The following GRK1 variants were observed in gnomAD, a reference collection of about 807,000 sequenced individuals.
GRK1 encodes rhodopsin kinase GRK1.
Under a neutral mutation model 41.7 loss-of-function variants are expected in GRK1, and 28 were observed. The ratio of observed to expected loss-of-function variants is 0.67; its 90% CI spans 0.50 to 0.92. GRK1 has a LOEUF of 0.92. GRK1 is among the 40% of genes least tolerant of loss of function. The pLI is 0.00. For synonymous variants in GRK1, 327 were observed against 286.7 expected, an observed-to-expected ratio of 1.14 and a Z score of -1.42; for missense variants, 703 against 671.2, an observed-to-expected ratio of 1.05 and a Z score of -0.52.
chr13:113,666,360 A>C (rs1018301445), upstream of GRK1, among the ~76,000 whole-genome samples: 21 of 128,468 alleles, frequency 1.6e-4, no homozygotes, highest in African/African-American at 5.9e-4. Context: ...CCAGGTGTTC[A>C]CCAGCTGTCC....
At position 113,735,384 on chromosome 13, in the gene GRK1, T is replaced by TGGAG. The variant is rs1594584197; in HGVS notation, c.*23_*26dup. 8.8e-6 allele frequency: 13 copies of TGGAG among 1,470,222 alleles called. No individual in the cohort carries two copies. Among genetic ancestry groups the TGGAG allele is most frequent in the Middle Eastern group, 3.5e-4 (2 of 5,676 alleles). The allele number at this position is 1,470,222 out of a possible 1,614,324, so 91.1% of individuals were successfully genotyped here. ...CCTAGGTGACGCCCCAGAGTCCACG[T>TGGAG]GGAGGAAAAGGACCCATACGGCTCG... On this transcript the variant is annotated 3_prime_UTR_variant, in exon 7 of 7. Transcript: ENST00000335678.
At position 113,736,344 on chromosome 13, in the gene GRK1, C is replaced by T. The variant is rs1323855570; in HGVS notation, c.*981C>T. ...CAGAGCTCCTTGCTGCAACCCCTCT[C>T]TGTGTTCCCAGTAGCAGCAGCACTG... On this transcript the variant is annotated 3_prime_UTR_variant, in exon 7 of 7. Transcript: ENST00000335678. The T allele has an allele frequency of 6.6e-6, 1 of 152,270 alleles. No individual in the cohort carries two copies. Among genetic ancestry groups the T allele is most frequent in the African/African-American group, 2.4e-5 (1 of 41,456 alleles). The allele number at this position is 152,270 out of a possible 1,614,324, so 9.4% of individuals were successfully genotyped here.
At chr13:113,654,294 C>G in the GRK1 span, among the ~76,000 whole-genome samples, 1 of 152,222 alleles carries the variant, frequency 6.6e-6, no homozygotes, top group Non-Finnish European at 1.5e-5. Flanking sequence ...GCTCTGCACA[C>G]CGATGGGGAC....
intron 4 of GRK1, among the ~76,000 whole-genome samples, chr13:113,728,109 GAGT>G (rs1392288956): frequency 1.1e-5 from 1 of 89,678 alleles, no homozygotes; most frequent in African/African-American, 6.3e-5. Flanking sequence ...TGGCAATGAG[GAGT>G]ACCCATGGCG....
rs778431443 is a variant in GRK1 at position 113,735,316 on chromosome 13, G to A, written c.1645G>A (p.Gly549Arg). The A allele has an allele frequency of 8.5e-6, 13 of 1,529,226 alleles. No individual in the cohort carries two copies. Among genetic ancestry groups the A allele is most frequent in the East Asian group, 2.5e-5 (1 of 40,688 alleles). The allele number at this position is 1,529,226 out of a possible 1,614,324, so 94.7% of individuals were successfully genotyped here. The change falls in exon 7 of 7, where the codon GGG becomes AGG. Residue 549 changes from glycine (G) to arginine (R), a missense_variant. Physicochemically the swap from Gly to Arg is moderately radical, Grantham distance 125. Coordinates refer to ENST00000335678, the MANE Select transcript of GRK1 (RefSeq NM_002929.3). ...GCCGGACGACATGAAGGGCATCTCCGGGGGCTCCAGCTCCTCGTCCAAGTC... is the reference window on the plus strand; with the variant it reads ...GCCGGACGACATGAAGGGCATCTCCAGGGGCTCCAGCTCCTCGTCCAAGTC... ...QMPDDMKGISGGSSSSSKSGM... is the reference protein window; with the variant it reads ...QMPDDMKGISRGSSSSSKSGM...
the GRK1 span, chr13:113,649,287 A>C: frequency 6.8e-7 from 1 of 1,465,108 alleles, no homozygotes; most frequent in Admixed American, 2.3e-5. This position sits in a 1 kb window ranked among gnomAD's most constrained non-coding sequence, Gnocchi z 4.7. Flanking sequence ...ATGATTTGGC[A>C]GGGAACTGAC....
At chr13:113,733,718 TGTGTGTGC>T in intron 6 of GRK1, among the ~76,000 whole-genome samples, 1 of 126,592 alleles carries the variant, frequency 7.9e-6, no homozygotes, top group South Asian at 2.3e-4. Context: ...TGTGCGCACG[TGTGTGTGC>T]GCGCGTGTGT....
intron 4 of GRK1, among the ~76,000 whole-genome samples, chr13:113,727,469 T>C (rs2049896556): frequency 6.6e-6 from 1 of 152,104 alleles, no homozygotes; most frequent in African/African-American, 2.4e-5. Flanking sequence ...CTGTGGACTG[T>C]GGGCTGTGGA....
At chr13:113,658,018 G>C in the GRK1 span, 1 of 1,582,934 alleles carries the variant, frequency 6.3e-7, no homozygotes, top group Non-Finnish European at 8.6e-7. Flanking sequence ...CAGCCGGCCC[G>C]CCCCCCGCAC....
intron 2 of GRK1, among the ~76,000 whole-genome samples, chr13:113,670,363 G>A (rs1005750678): frequency 1.3e-5 from 2 of 152,196 alleles, no homozygotes; most frequent in Admixed American, 6.5e-5. Context: ...TAGCTGGGCC[G>A]CTTAGCCACT....
chr13:113,665,900 T>G (rs188025746), upstream of GRK1, among the ~76,000 whole-genome samples: 3 of 118,782 alleles, frequency 2.5e-5, no homozygotes, highest in Admixed American at 1.7e-4. Context: ...CAGGTGGGTC[T>G]CAAGTGCCCC....
At chr13:113,662,761 C>T (rs2049797222), upstream of GRK1, among the ~76,000 whole-genome samples, 1 of 152,122 alleles carries the variant, frequency 6.6e-6, no homozygotes, top group Admixed American at 6.5e-5. Context: ...GACTTGCATG[C>T]TGAAACCCAT....
intron 1 of GRK1, 158 bp downstream of exon 1, chr13:113,668,243 G>A (rs912950648): frequency 1.7e-5 from 5 of 300,232 alleles, no homozygotes; most frequent in African/African-American, 2.3e-5. Context: ...GGCGCCCCGC[G>A]GCCGTGCGGT....
chr13:113,650,583 G>A, the GRK1 span: 46 of 1,168,166 alleles, frequency 3.9e-5, no homozygotes, highest in Middle Eastern at 2.3e-4. The surrounding 1 kb of genome is among the most constrained non-coding windows in gnomAD (Gnocchi z 5.0). Context: ...GTTTGTGTGC[G>A]TGTGTGCACA....
At chr13:113,660,251 C>T in the GRK1 span, among the ~76,000 whole-genome samples, 2 of 152,176 alleles carry the variant, frequency 1.3e-5, no homozygotes, top group Non-Finnish European at 2.9e-5. Flanking sequence ...TGGTGTCAGA[C>T]ACAACGTAGT....
intron 6 of GRK1, among the ~76,000 whole-genome samples, chr13:113,733,481 A>ATGTGCGCGCGTGTGTGTATGTG (rs2049952795): frequency 6.9e-6 from 1 of 144,666 alleles, no homozygotes; most frequent in Non-Finnish European, 1.5e-5. Context: ...GGAAGATACT[A>ATGTGCGCGCGTGTGTGTATGTG]TGTGCGCGCG....
the GRK1 span, chr13:113,653,127 GC>G: frequency 5.1e-6 from 8 of 1,564,958 alleles, no homozygotes; most frequent in South Asian, 4.7e-5. Context: ...ACGCCTGGCT[GC>G]CCCCCGGGAA....
At chr13:113,733,249 C>T (rs2049950845) in intron 6 of GRK1, 164 bp downstream of exon 6, 1 of 232,416 alleles carries the variant, frequency 4.3e-6, no homozygotes, top group Non-Finnish European at 7.1e-6. Context: ...ACTCATCATC[C>T]CAGCCCCAGG....
chr13:113,653,472 G>T, the GRK1 span: 1 of 1,567,516 alleles, frequency 6.4e-7, no homozygotes, highest in Non-Finnish European at 8.8e-7. Context: ...GTCTCCAAAT[G>T]CTCACCACAT....
Sources: gnomAD v4.1 joint callset for allele counts (sites outside exome capture counted in the v4.1 genomes callset) on GRCh38, gnomAD v4.1.1 for gene constraint, Gnocchi (gnomAD v3.1) non-coding constraint, MANE v1.5 for transcripts, NCBI Gene and HGNC (gene_info 2026-07-23, HGNC 2026-07-21) for gene names.